NOS1AP: variants seen among roughly 807,000 people sequenced by gnomAD.
NOS1AP encodes the protein nitric oxide synthase 1 adaptor protein.
Under a neutral mutation model 56.2 loss-of-function variants are expected in NOS1AP, and 21 were observed. The ratio of observed to expected loss-of-function variants is 0.37; its 90% confidence interval spans 0.26 to 0.54. The LOEUF (loss-of-function observed/expected upper bound fraction) is 0.54. Ranked by LOEUF, NOS1AP falls within the 20% of genes least tolerant of loss-of-function variation. The pLI is 0.84. For synonymous variants in NOS1AP, 270 were observed against 274.6 expected (o/e 0.98, Z 0.17); for missense variants, 522 against 657.8 (o/e 0.79, Z 2.26).
At chr1:162,131,404 A>G (rs1490020216) in intron 1 of NOS1AP, among the ~76,000 whole-genome samples, 1 of 151,484 alleles carries the variant, frequency 6.6e-6, no homozygotes, top group African/African-American at 2.4e-5. Context: ...GTGGCTTGTC[A>G]CTTGACACAG....
At chr1:162,204,576 G>C (rs1213466875) in intron 2 of NOS1AP, among the ~76,000 whole-genome samples, 1 of 152,198 alleles carries the variant, frequency 6.6e-6, no homozygotes, top group African/African-American at 2.4e-5. Context: ...TGGGAAGAGG[G>C]TGTTCTGTGT....
chr1:162,279,493 C>T (rs1410993770), intron 2 of NOS1AP, among the ~76,000 whole-genome samples: 5 of 152,204 alleles, frequency 3.3e-5, no homozygotes. Flanking sequence ...ACCGCTCTTC[C>T]ACCTTCTCAA....
At chr1:162,079,891 C>G (rs1691848606) in intron 1 of NOS1AP, among the ~76,000 whole-genome samples, 1 of 152,188 alleles carries the variant, frequency 6.6e-6, no homozygotes. Flanking sequence ...AATCAGACAG[C>G]ATGACTACTT....
chr1:162,179,149 G>A (rs748391323), intron 2 of NOS1AP, among the ~76,000 whole-genome samples: 12 of 152,078 alleles, frequency 7.9e-5, no homozygotes, highest in Middle Eastern at 3.4e-3. Context: ...TAGTTACTGG[G>A]TATTTATTTT....
intron 2 of NOS1AP, among the ~76,000 whole-genome samples, chr1:162,261,502 G>GAAGAGA (rs772854187): frequency 2.9e-4 from 2 of 6,896 alleles, no homozygotes; most frequent in African/African-American, 8.3e-4. Context: ...GAGAGAGAGA[G>GAAGAGA]AGAGAGAGAG....
chr1:162,292,364 C>T (rs919808590), intron 3 of NOS1AP, among the ~76,000 whole-genome samples: 2 of 152,210 alleles, frequency 1.3e-5, no homozygotes, highest in Non-Finnish European at 2.9e-5. Context: ...AGTAGTTACA[C>T]ACTAAGGTGA....
chr1:162,292,545 A>G (rs1000991011), intron 3 of NOS1AP, among the ~76,000 whole-genome samples: 2 of 152,204 alleles, frequency 1.3e-5, no homozygotes, highest in Non-Finnish European at 2.9e-5. Context: ...TGAATCTCAC[A>G]TCCTATCAGT....
At chr1:162,254,696 T>G (rs976608221) in intron 2 of NOS1AP, among the ~76,000 whole-genome samples, 3 of 152,326 alleles carry the variant, frequency 2.0e-5, no homozygotes, top group African/African-American at 2.4e-5. Context: ...CTAAATTAAC[T>G]ACCACAATAC....
At chr1:162,347,543 A>G (rs981261507) in intron 6 of NOS1AP, among the ~76,000 whole-genome samples, 4 of 152,182 alleles carry the variant, frequency 2.6e-5, no homozygotes, top group African/African-American at 9.7e-5. Context: ...TCAGAGTTAT[A>G]TGGTCTGGCC....
intron 2 of NOS1AP, among the ~76,000 whole-genome samples, chr1:162,204,305 C>A (rs1427332797): frequency 2.0e-5 from 3 of 152,254 alleles, no homozygotes; most frequent in African/African-American, 4.8e-5. Flanking sequence ...CTCCACGATG[C>A]TCTCCCATCC....
At chr1:162,082,654 C>T (rs1479469932) in intron 1 of NOS1AP, among the ~76,000 whole-genome samples, 1 of 152,098 alleles carries the variant, frequency 6.6e-6, no homozygotes, top group Non-Finnish European at 1.5e-5. Context: ...GATGGTATCT[C>T]ATTGTGGTTT....
intron 2 of NOS1AP, among the ~76,000 whole-genome samples, chr1:162,167,376 T>C (rs943650179): frequency 2.0e-5 from 3 of 152,238 alleles, no homozygotes; most frequent in African/African-American, 7.2e-5. Context: ...CAGTCATTCA[T>C]GATCTTTTCC....
At chr1:162,213,977 T>C (rs997536559) in intron 2 of NOS1AP, among the ~76,000 whole-genome samples, 8 of 152,214 alleles carry the variant, frequency 5.3e-5, no homozygotes, top group African/African-American at 1.9e-4. Flanking sequence ...ATTTAAGACC[T>C]AAAATCCAGC....
At chr1:162,134,264 A>C (rs1648883142) in intron 1 of NOS1AP, among the ~76,000 whole-genome samples, 1 of 152,060 alleles carries the variant, frequency 6.6e-6, no homozygotes, top group South Asian at 2.1e-4. Flanking sequence ...GCCGAGGCAG[A>C]CAGATCACAT....
intron 1 of NOS1AP, among the ~76,000 whole-genome samples, chr1:162,091,088 G>A (rs1420444445): frequency 6.6e-6 from 1 of 152,102 alleles, no homozygotes; most frequent in Non-Finnish European, 1.5e-5. Context: ...TTTAAAAAAT[G>A]TGGTAGTTCT....
chr1:162,354,672 A>AC (rs1157373858), intron 6 of NOS1AP, among the ~76,000 whole-genome samples: 2 of 152,208 alleles, frequency 1.3e-5, no homozygotes, highest in Non-Finnish European at 2.9e-5. Flanking sequence ...GCAGCCTCAC[A>AC]TCTCCCTGCC....
intron 2 of NOS1AP, among the ~76,000 whole-genome samples, chr1:162,274,222 C>T (rs10919035): frequency 0.2 from 30,098 of 152,100 alleles, 3,346 homozygotes; most frequent in East Asian, 0.43. Context: ...CGGTGTTTGG[C>T]GTCTGTTGTG....
chr1:162,264,069 C>G (rs1406797325), intron 2 of NOS1AP, among the ~76,000 whole-genome samples: 1 of 152,222 alleles, frequency 6.6e-6, no homozygotes, highest in Non-Finnish European at 1.5e-5. Context: ...GACTTGCCTC[C>G]ACGCTGAACC....
rs138846197 is a variant in NOS1AP, at chr1:162,370,106, G to A, written c.*2639G>A. The A allele has an allele frequency of 5.4e-3, 825 of 152,348 alleles. 5 individuals carry two copies. Among genetic ancestry groups the A allele is most frequent in the Non-Finnish European group, 8.5e-3 (578 of 68,078 alleles). The allele number at this position is 152,348 out of a possible 1,614,324, so 9.4% of individuals were successfully genotyped here. A position where few individuals can be genotyped will look rare whatever the true frequency, so the allele number is the denominator to read the frequency against. On this transcript the variant is annotated 3_prime_UTR_variant, in exon 10 of 10. Coordinates refer to ENST00000361897, the MANE Select transcript of NOS1AP (RefSeq NM_014697.3). Reference sequence around the variant, plus strand: ...CTACCCCAGGTGCCAGCAGACTCTCGTGCACAGGAGGCTCCCACAGTTATG... The same window carrying A: ...CTACCCCAGGTGCCAGCAGACTCTCATGCACAGGAGGCTCCCACAGTTATG...
Sources: allele counts gnomAD v4.1 joint callset (sites outside exome capture counted in the v4.1 genomes callset), GRCh38; gene constraint gnomAD v4.1.1; transcripts MANE v1.5; gene names NCBI Gene and HGNC (gene_info 2026-07-23, HGNC 2026-07-21).